Variants in PTPN21 observed in about 807,000 individuals in gnomAD.
PTPN21 encodes the protein tyrosine-protein phosphatase non-receptor type 21.
PTPN21 carries 77 observed loss-of-function variants against 131.8 expected under a neutral mutation model. The observed-to-expected ratio is 0.58, with a 90% CI of 0.49 to 0.71. The LOEUF (loss-of-function observed/expected upper bound fraction) is 0.71. PTPN21 is among the 30% of genes least tolerant of loss of function. PTPN21 has a pLI of 0.00. For synonymous variants in PTPN21, 715 were observed against 621.3 expected, an observed-to-expected ratio of 1.15 and a Z score of -2.24; for missense variants, 1,552 against 1,527.1, an observed-to-expected ratio of 1.02 and a Z score of -0.27.
In PTPN21 at chr14:88,466,105, G is replaced by A. The variant is rs2077358516; in HGVS notation, c.*2032C>T. Reference sequence around the variant, plus strand: ...GGGAGGGGAAGAAGCACTTTTTCTAGAGATGGAAAATAGTTCCAGTAAAAA... The same window carrying A: ...GGGAGGGGAAGAAGCACTTTTTCTAAAGATGGAAAATAGTTCCAGTAAAAA... On this transcript the variant is annotated 3_prime_UTR_variant, in exon 19 of 19. Transcript: ENST00000556564. 1 of 152,120 alleles carries A rather than the reference G, an allele frequency of 6.6e-6. No homozygotes were observed. Among genetic ancestry groups the A allele is most frequent in the South Asian group, 2.1e-4 (1 of 4,824 alleles). 9.4% of individuals were successfully genotyped at this position (152,120 alleles called of 1,614,324 possible). A position where few individuals can be genotyped will look rare whatever the true frequency, so the allele number is the denominator to read the frequency against.
At chr14:88,500,945 T>C in intron 7 of PTPN21, 74 bp from the exon 8 acceptor site, 1 of 1,079,584 alleles carries the variant, frequency 9.3e-7, no homozygotes, top group Non-Finnish European at 1.4e-6. Context: ...TTCCCTGGAC[T>C]GGTTTCCCAG....
At chr14:88,471,112 C>A (rs1387991004) in intron 15 of PTPN21, among the ~76,000 whole-genome samples, 1 of 152,094 alleles carries the variant, frequency 6.6e-6, no homozygotes, top group Non-Finnish European at 1.5e-5. Context: ...TATTTAAAAA[C>A]AAAATAGTAT....
chr14:88,549,938 A>G (rs777377078), intron 2 of PTPN21, among the ~76,000 whole-genome samples: 4 of 151,806 alleles, frequency 2.6e-5, no homozygotes, highest in Non-Finnish European at 4.4e-5. Flanking sequence ...GGCGCCCACC[A>G]CCACGTCCGG....
intron 2 of PTPN21, among the ~76,000 whole-genome samples, chr14:88,531,137 C>T (rs1235816878): frequency 1.3e-5 from 2 of 152,112 alleles, no homozygotes; most frequent in Non-Finnish European, 2.9e-5. Flanking sequence ...CCAAAAGTAA[C>T]CCTCAAAACT....
chr14:88,477,904 G>T (rs886377185), intron 13 of PTPN21, among the ~76,000 whole-genome samples: 1 of 152,202 alleles, frequency 6.6e-6, no homozygotes, highest in African/African-American at 2.4e-5. Context: ...TGAAAGACTA[G>T]CAAGGCTTCA....
intron 2 of PTPN21, among the ~76,000 whole-genome samples, chr14:88,522,771 T>C (rs775398266): frequency 6.6e-6 from 1 of 152,200 alleles, no homozygotes; most frequent in Non-Finnish European, 1.5e-5. Context: ...AACATTATAA[T>C]CCTGGATTGA....
Position 88,467,905 on chromosome 14 carries a change from C to G in PTPN21, c.*232G>C. On this transcript the variant is annotated 3_prime_UTR_variant, in exon 19 of 19. Coordinates refer to ENST00000556564, the MANE Select transcript of PTPN21 (RefSeq NM_007039.4). ...GCAAACCGGACAGACCGGGGCAGGG[C>G]AAGGCCCTTGAAACCAAGTCCTCCT... The G allele has an allele frequency of 1.7e-6, 1 of 605,104 alleles. No individual in the cohort carries two copies. The highest frequency in any genetic ancestry group is 1.9e-5 in the South Asian group (1 of 51,368). 37.5% of individuals were successfully genotyped at this position (605,104 alleles called of 1,614,324 possible).
At chr14:88,497,656 G>A (rs183812161) in intron 8 of PTPN21, among the ~76,000 whole-genome samples, 24 of 152,132 alleles carry the variant, frequency 1.6e-4, no homozygotes, top group Admixed American at 9.2e-4. Context: ...GCAGGTACCT[G>A]TAGGCCCAGC....
chr14:88,479,590 G>T lies in PTPN21; in HGVS notation c.1841C>A (p.Ala614Glu). 1 of 1,589,788 alleles carries T rather than the reference G, an allele frequency of 6.3e-7. No individual in the cohort carries two copies. Among genetic ancestry groups the T allele is most frequent in the Non-Finnish European group, 8.5e-7 (1 of 1,174,028 alleles). ...QTFQEDSLPV[A>E]HSLQEVSEPL... ...CTCGCTGACCTCCTGCAGCGAGTGC[G>T]CCACGGGCAGGCTGTCCTCCTGGAA... Residue 614 changes from alanine (A) to glutamate (E), a missense_variant, in exon 13 of 19, where the codon GCG becomes GAG. Around this residue, in one of 4 missense-constraint regions of PTPN21, gnomAD observed 1,016 missense variants for 883.5 expected, o/e 1.15. Transcript: ENST00000556564.
intron 2 of PTPN21, among the ~76,000 whole-genome samples, chr14:88,517,907 C>T (rs944840297): frequency 1.4e-5 from 2 of 144,930 alleles, no homozygotes; most frequent in African/African-American, 5.1e-5. Flanking sequence ...TGTATATATA[C>T]ACCTGTATAT....
intron 2 of PTPN21, chr14:88,547,782 G>A: frequency 2.5e-6 from 1 of 407,250 alleles, no homozygotes; most frequent in South Asian, 1.9e-5. Flanking sequence ...TCTACCATGA[G>A]GGGTCTGCGA....
chr14:88,488,659 A>G (rs1293112801), intron 10 of PTPN21, among the ~76,000 whole-genome samples: 1 of 152,092 alleles, frequency 6.6e-6, no homozygotes, highest in Non-Finnish European at 1.5e-5. Context: ...AATAAAAATT[A>G]AAAAGGCTGA....
At chr14:88,470,134 A>G (rs992311561) in intron 15 of PTPN21, 84 bp from the exon 16 acceptor site, 4 of 1,429,560 alleles carry the variant, frequency 2.8e-6, no homozygotes, top group East Asian at 4.9e-5. Context: ...TAGTACTAAA[A>G]AAGTTTTTTT....
intron 10 of PTPN21, among the ~76,000 whole-genome samples, chr14:88,489,247 T>G (rs2077784975): frequency 6.6e-6 from 1 of 152,230 alleles, no homozygotes; most frequent in Admixed American, 6.5e-5. Context: ...AGCTTGTATT[T>G]CTAAGCCTCG....
intron 2 of PTPN21, among the ~76,000 whole-genome samples, chr14:88,548,681 A>C (rs1170678197): frequency 1.3e-5 from 2 of 152,156 alleles, no homozygotes; most frequent in African/African-American, 4.8e-5. Context: ...AGCAAAGTTC[A>C]TCTATTCCTG....
intron 2 of PTPN21, among the ~76,000 whole-genome samples, chr14:88,549,815 T>C (rs1005499596): frequency 6.7e-6 from 1 of 150,312 alleles, no homozygotes; most frequent in East Asian, 2.0e-4. Flanking sequence ...CAGGCTGGAG[T>C]GCAGTGGAGC....
intron 2 of PTPN21, among the ~76,000 whole-genome samples, chr14:88,548,846 T>C (rs77425502): frequency 0.011 from 1,659 of 152,272 alleles, 12 homozygotes; most frequent in Middle Eastern, 0.031. Context: ...ACATGAGTAC[T>C]CCATAACTTC....
chr14:88,519,755 A>C (rs1222782413), intron 2 of PTPN21, among the ~76,000 whole-genome samples: 1 of 152,162 alleles, frequency 6.6e-6, no homozygotes, highest in East Asian at 1.9e-4. Context: ...GGAATTCAAT[A>C]AATTTTGTTG....
chr14:88,523,270 G>C (rs1379690421), intron 2 of PTPN21, among the ~76,000 whole-genome samples: 1 of 151,938 alleles, frequency 6.6e-6, no homozygotes, highest in African/African-American at 2.4e-5. Flanking sequence ...TTCATCCCAG[G>C]ACTGCAAGGG....
Sources: gnomAD v4.1 joint callset for allele counts (sites outside exome capture counted in the v4.1 genomes callset) on GRCh38, gnomAD v4.1.1 for gene constraint, gnomAD v4.1.1 regional missense constraint, MANE v1.5 for transcripts, NCBI Gene and HGNC (gene_info 2026-07-23, HGNC 2026-07-21) for gene names.